LYL1: variants seen among roughly 807,000 people sequenced by gnomAD.
The protein encoded by LYL1 is LYL1 basic helix-loop-helix family member.
LYL1 carries 4 observed loss-of-function variants against 11.1 expected under a neutral mutation model. That is an observed-to-expected ratio of 0.36 (90% confidence interval 0.18 to 0.82). The LOEUF is 0.82. Ranked by LOEUF, LYL1 falls within the 40% of genes least tolerant of loss-of-function variation. The pLI, the probability that LYL1 is intolerant of heterozygous loss-of-function variation, is 0.49. For synonymous variants in LYL1, 179 were observed against 174.8 expected, an observed-to-expected ratio of 1.02 and a Z score of -0.19; for missense variants, 356 against 397.6, an observed-to-expected ratio of 0.90 and a Z score of 0.89.
rs1290802123 is a variant in LYL1, at chr19:13,101,800, C to T, written c.-24-605G>A. Reference sequence around the variant, plus strand: ...TAATTGCTTGAGTGACCCCCACTCCCACTGCAAACATCCCCCATAGCAACC... The same window carrying T: ...TAATTGCTTGAGTGACCCCCACTCCTACTGCAAACATCCCCCATAGCAACC... On this transcript the variant is annotated intron_variant, in intron 1 of 3. Transcript: ENST00000264824. This position sits in a 1 kb window ranked among gnomAD's most constrained non-coding sequence, Gnocchi z 5.1. The T allele has an allele frequency of 4.3e-6, 1 of 230,732 alleles. No individual in the cohort carries two copies. Among genetic ancestry groups the T allele is most frequent in the East Asian group, 6.1e-5 (1 of 16,342 alleles). 14.3% of individuals were successfully genotyped at this position (230,732 alleles called of 1,614,324 possible).
At position 13,101,302 on chromosome 19, in the gene LYL1, G is replaced by A; in HGVS notation, c.-24-107C>T. ...GGAAGGAGGGAGGGGGAGGGGGAAA[G>A]GAGGAGGAGAGAAGTTTCAGTAGGC... On this transcript the variant is annotated intron_variant, in intron 1 of 3. Coordinates refer to ENST00000264824, the MANE Select transcript of LYL1 (RefSeq NM_005583.5). This position sits in a 1 kb window ranked among gnomAD's most constrained non-coding sequence, Gnocchi z 5.1. 2.3e-6 allele frequency: 1 copy of A among 436,552 alleles called. No individual in the cohort carries two copies. Among genetic ancestry groups the A allele is most frequent in the Non-Finnish European group, 4.0e-6 (1 of 252,392 alleles). 27.0% of individuals were successfully genotyped at this position (436,552 alleles called of 1,614,324 possible). A position where few individuals can be genotyped will look rare whatever the true frequency, so the allele number is the denominator to read the frequency against.
In LYL1 at chr19:13,099,840, G is replaced by C. The variant is rs2018652445; in HGVS notation, c.428-106C>G. 1 of 1,064,804 alleles carries C rather than the reference G, an allele frequency of 9.4e-7. No homozygotes were observed. The highest frequency in any genetic ancestry group is 3.6e-5 in the Admixed American group (1 of 27,530). 66.0% of individuals were successfully genotyped at this position (1,064,804 alleles called of 1,614,324 possible). ...CGTGGGAACTTAAACCCAGGCCATG[G>C]GCTGGGGCTTTCTCCACCCAAGGGG... On this transcript the variant is annotated intron_variant, in intron 3 of 3. Transcript: ENST00000264824. This position sits in a 1 kb window ranked among gnomAD's most constrained non-coding sequence, Gnocchi z 5.3.
Position 13,101,679 on chromosome 19 carries a change from C to T in LYL1, c.-24-484G>A, listed in dbSNP as rs2018689788. ...AATCCCTCCAAGATGGACTCTGACC[C>T]TTCACGGAAGGCCCCCAGCCCCCAC... On this transcript the variant is annotated intron_variant, in intron 1 of 3. Coordinates refer to ENST00000264824, the MANE Select transcript of LYL1 (RefSeq NM_005583.5). This position sits in a 1 kb window ranked among gnomAD's most constrained non-coding sequence, Gnocchi z 5.1. 2 of 223,098 alleles carry T rather than the reference C, an allele frequency of 9.0e-6. No homozygotes were observed. Among genetic ancestry groups the T allele is most frequent in the Admixed American group, 5.8e-5 (1 of 17,370 alleles). 13.8% of individuals were successfully genotyped at this position (223,098 alleles called of 1,614,324 possible).
At position 13,100,935 on chromosome 19, in the gene LYL1, C is replaced by T. The variant is rs1248338696; in HGVS notation, c.237G>A (p.Glu79=). 5 of 1,533,232 alleles carry T rather than the reference C, an allele frequency of 3.3e-6. No homozygotes were observed. Among genetic ancestry groups the T allele is most frequent in the Non-Finnish European group, 4.4e-6 (5 of 1,137,306 alleles). 95.0% of individuals were successfully genotyped at this position (1,533,232 alleles called of 1,614,324 possible). The part of the protein sequence containing the change: ...RPPGVAMPTT[E]LGTLRPPLLQ... ...GCAGCGGGGGCCGCAGAGTGCCCAG[C>T]TCTGTGGTGGGCATGGCTACCCCTG... is the stretch of plus-strand genomic sequence containing the variant. Residue 79 remains glutamate, a synonymous_variant, in exon 2 of 4, where the codon GAG becomes GAA. Coordinates refer to ENST00000264824, the MANE Select transcript of LYL1 (RefSeq NM_005583.5).
Position 13,099,232 on chromosome 19 carries a change from C to T in LYL1, c.*87G>A. On this transcript the variant is annotated 3_prime_UTR_variant, in exon 4 of 4. Transcript: ENST00000264824. This position sits in a 1 kb window ranked among gnomAD's most constrained non-coding sequence, Gnocchi z 5.3. ...TTCTTCGGGGGAGTTCGCTCCCGAA[C>T]ATGCGCAGCACGTCCACTGCCCTTT... is the stretch of plus-strand genomic sequence containing the variant. 20 of 1,172,094 alleles carry T rather than the reference C, an allele frequency of 1.7e-5. No individual in the cohort carries two copies. Among genetic ancestry groups the T allele is most frequent in the Non-Finnish European group, 2.1e-5 (20 of 934,628 alleles). 72.6% of individuals were successfully genotyped at this position (1,172,094 alleles called of 1,614,324 possible).
At position 13,102,443 on chromosome 19, in the gene LYL1, T is replaced by C; in HGVS notation, c.-25+88A>G. The C allele has an allele frequency of 1.1e-5, 2 of 185,228 alleles. No homozygotes were observed. Among genetic ancestry groups the C allele is most frequent in the South Asian group, 1.9e-4 (1 of 5,130 alleles). The allele number at this position is 185,228 out of a possible 1,614,324, so 11.5% of individuals were successfully genotyped here. A position where few individuals can be genotyped will look rare whatever the true frequency, so the allele number is the denominator to read the frequency against. On this transcript the variant is annotated intron_variant, in intron 1 of 3. Coordinates refer to ENST00000264824, the MANE Select transcript of LYL1 (RefSeq NM_005583.5). This position sits in a 1 kb window ranked among gnomAD's most constrained non-coding sequence, Gnocchi z 4.9. ...CCCCTCACTAGTGGGTCCCTGCTGG[T>C]GAATGAATGAATGAAGGAATGAACA... is the stretch of plus-strand genomic sequence containing the variant.
Position 13,100,990 on chromosome 19 carries a change from G to A in LYL1, c.182C>T (p.Pro61Leu). Residue 61 changes from proline (P) to leucine (L), a missense_variant, in exon 2 of 4, where the codon CCA (proline) becomes CTA (leucine). By Grantham distance (98) the Pro-to-Leu change is moderately conservative (BLOSUM62 -3). Coordinates refer to ENST00000264824, the MANE Select transcript of LYL1 (RefSeq NM_005583.5). Reference sequence around the variant, plus strand: ...CCTGCTGTGGCCCAGGCTGATCACTGGTACACCAGGTGGCAGCCTGGGGGG... The same window carrying A: ...CCTGCTGTGGCCCAGGCTGATCACTAGTACACCAGGTGGCAGCCTGGGGGG... ...SSPPRLPPGV[P>L]VISLGHSRPP... 1.4e-6 allele frequency: 2 copies of A among 1,480,348 alleles called. No individual in the cohort carries two copies. The highest frequency in any genetic ancestry group is 2.8e-5 in the African/African-American group (2 of 71,116). 91.7% of individuals were successfully genotyped at this position (1,480,348 alleles called of 1,614,324 possible). A position where few individuals can be genotyped will look rare whatever the true frequency, so the allele number is the denominator to read the frequency against.
In LYL1 at chr19:13,099,397, G is replaced by A; in HGVS notation, c.765C>T (p.Ala255=). ...AAARSQPAPP[A]DPDGSPGGAA... ...CTCCACCGGGGCTGCCGTCGGGGTC[G>A]GCCGGGGGCGCGGGCTGCGAGCGCG... is the stretch of plus-strand genomic sequence containing the variant. The change falls in exon 4 of 4, where the codon GCC becomes GCT. Residue 255 remains alanine (A), a synonymous_variant. Coordinates refer to ENST00000264824, the MANE Select transcript of LYL1 (RefSeq NM_005583.5). This position sits in a 1 kb window ranked among gnomAD's most constrained non-coding sequence, Gnocchi z 5.3. 2 of 1,245,858 alleles carry A rather than the reference G, an allele frequency of 1.6e-6. No homozygotes were observed. Among genetic ancestry groups the A allele is most frequent in the South Asian group, 4.0e-5 (1 of 24,940 alleles). The allele number at this position is 1,245,858 out of a possible 1,614,324, so 77.2% of individuals were successfully genotyped here. A position where few individuals can be genotyped will look rare whatever the true frequency, so the allele number is the denominator to read the frequency against.
chr19:13,099,352 C>A lies in LYL1; in HGVS notation c.810G>T (p.Met270Ile). 7.8e-7 allele frequency: 1 copy of A among 1,284,662 alleles called. No individual in the cohort carries two copies. The highest frequency in any genetic ancestry group is 2.9e-5 in the East Asian group (1 of 34,450). 79.6% of individuals were successfully genotyped at this position (1,284,662 alleles called of 1,614,324 possible). A position where few individuals can be genotyped will look rare whatever the true frequency, so the allele number is the denominator to read the frequency against. ...SPGGAARPIK[M>I]EQTALSPEVR is the part of the protein sequence containing the mutation. ...CCTCTGGGCTCAAAGCGGTTTGCTC[C>A]ATCTTGATGGGCCGGGCCGCTCCAC... Residue 270 changes from methionine to isoleucine, a missense_variant, in exon 4 of 4, where the codon ATG becomes ATT. By Grantham distance (10) the Met-to-Ile change is conservative. Transcript: ENST00000264824. This position sits in a 1 kb window ranked among gnomAD's most constrained non-coding sequence, Gnocchi z 5.3.
rs1599909255 is a variant in LYL1 at position 13,101,025 on chromosome 19, T to C, written c.147A>G (p.Gly49=). The part of the protein sequence containing the change: ...PPQVEEVGHR[G]GSSPPRLPPG... ...GTGGCAGCCTGGGGGGCGAGGAGCC[T>C]CCTCGGTGGCCCACCTCCTCCACCT... Residue 49 remains glycine, a synonymous_variant, in exon 2 of 4, where the codon GGA becomes GGG. Coordinates refer to ENST00000264824, the MANE Select transcript of LYL1 (RefSeq NM_005583.5). The surrounding 1 kb of genome is among the most constrained non-coding windows in gnomAD (Gnocchi z 5.1). The C allele has an allele frequency of 6.8e-7, 1 of 1,477,674 alleles. No individual in the cohort carries two copies. The highest frequency in any genetic ancestry group is 9.0e-7 in the Non-Finnish European group (1 of 1,115,494). 91.5% of individuals were successfully genotyped at this position (1,477,674 alleles called of 1,614,324 possible). A position where few individuals can be genotyped will look rare whatever the true frequency, so the allele number is the denominator to read the frequency against.
Position 13,101,833 on chromosome 19 carries a change from C to T in LYL1, c.-24-638G>A, listed in dbSNP as rs777998780. The stretch of plus-strand genomic sequence containing the variant: ...ACATCCCCCATAGCAACCCTGTGAC[C>T]CCACTACTGACACTATGACCTCAAA... On this transcript the variant is annotated intron_variant, in intron 1 of 3. Coordinates refer to ENST00000264824, the MANE Select transcript of LYL1 (RefSeq NM_005583.5). The surrounding 1 kb of genome is among the most constrained non-coding windows in gnomAD (Gnocchi z 5.1). 9.5e-5 allele frequency: 22 copies of T among 232,292 alleles called. No individual in the cohort carries two copies. The highest frequency in any genetic ancestry group is 4.2e-5 in the Non-Finnish European group (5 of 117,662). The allele number at this position is 232,292 out of a possible 1,614,324, so 14.4% of individuals were successfully genotyped here.
chr19:13,100,756 G>T lies in LYL1; in HGVS notation c.336-8C>A. ...GCTGGCCCAATGTAGACACTGTAAG[G>T]GGTCGTGGGTCACTAATGCCTTGTG... On this transcript the variant is annotated splice_region_variant and splice_polypyrimidine_tract_variant and intron_variant, in intron 2 of 3. Transcript: ENST00000264824. The T allele has an allele frequency of 6.2e-7, 1 of 1,613,952 alleles. No homozygotes were observed. Among genetic ancestry groups the T allele is most frequent in the Non-Finnish European group, 8.5e-7 (1 of 1,179,892 alleles).
rs1001251894 is a variant in LYL1, at chr19:13,099,484, C to T, written c.678G>A (p.Pro226=). 3 of 1,326,790 alleles carry T rather than the reference C, an allele frequency of 2.3e-6. No individual in the cohort carries two copies. The highest frequency in any genetic ancestry group is 2.9e-6 in the Non-Finnish European group (3 of 1,026,680). 82.2% of individuals were successfully genotyped at this position (1,326,790 alleles called of 1,614,324 possible). Reference sequence around the variant, plus strand: ...CGCCGTCGTCTGGGACCCGGTGCACCGGCCGTTTGCGAGGCCCGGGAGGGG... The same window carrying T: ...CGCCGTCGTCTGGGACCCGGTGCACTGGCCGTTTGCGAGGCCCGGGAGGGG... ...GPTPPGPRKR[P]VHRVPDDGAR... Residue 226 remains proline, a synonymous_variant, in exon 4 of 4, where the codon CCG becomes CCA. Transcript: ENST00000264824. The surrounding 1 kb of genome is among the most constrained non-coding windows in gnomAD (Gnocchi z 5.3).
rs1004130496 is a variant in LYL1, at chr19:13,099,848, C to T, written c.428-114G>A. The T allele has an allele frequency of 7.3e-5, 69 of 947,254 alleles. No individual in the cohort carries two copies. The highest frequency in any genetic ancestry group is 9.5e-5 in the Non-Finnish European group (65 of 681,954). The allele number at this position is 947,254 out of a possible 1,614,324, so 58.7% of individuals were successfully genotyped here. Reference sequence around the variant, plus strand: ...CTTAAACCCAGGCCATGGGCTGGGGCTTTCTCCACCCAAGGGGTCCACGGG... The same window carrying T: ...CTTAAACCCAGGCCATGGGCTGGGGTTTTCTCCACCCAAGGGGTCCACGGG... On this transcript the variant is annotated intron_variant, in intron 3 of 3. Coordinates refer to ENST00000264824, the MANE Select transcript of LYL1 (RefSeq NM_005583.5). The surrounding 1 kb of genome is among the most constrained non-coding windows in gnomAD (Gnocchi z 5.3).
In LYL1 at chr19:13,099,387, C is replaced by T. The variant is rs1480041687; in HGVS notation, c.775G>A (p.Gly259Ser). ...SQPAPPADPD[G>S]SPGGAARPIK... Reference sequence around the variant, plus strand: ...GGCCGGGCCGCTCCACCGGGGCTGCCGTCGGGGTCGGCCGGGGGCGCGGGC... The same window carrying T: ...GGCCGGGCCGCTCCACCGGGGCTGCTGTCGGGGTCGGCCGGGGGCGCGGGC... Residue 259 changes from glycine to serine, a missense_variant, in exon 4 of 4, where the codon GGC (glycine) becomes AGC (serine). Gly to Ser is a moderately conservative substitution (Grantham distance 56). Transcript: ENST00000264824. The surrounding 1 kb of genome is among the most constrained non-coding windows in gnomAD (Gnocchi z 5.3). 2 of 1,256,746 alleles carry T rather than the reference C, an allele frequency of 1.6e-6. No homozygotes were observed. The highest frequency in any genetic ancestry group is 3.9e-5 in the South Asian group (1 of 25,888). 77.8% of individuals were successfully genotyped at this position (1,256,746 alleles called of 1,614,324 possible). A position where few individuals can be genotyped will look rare whatever the true frequency, so the allele number is the denominator to read the frequency against.
In LYL1 at chr19:13,101,400, CG is replaced by C; in HGVS notation, c.-24-206del. The C allele has an allele frequency of 2.4e-6, 1 of 421,950 alleles. No homozygotes were observed. The highest frequency in any genetic ancestry group is 4.2e-6 in the Non-Finnish European group (1 of 240,184). 26.1% of individuals were successfully genotyped at this position (421,950 alleles called of 1,614,324 possible). On this transcript the variant is annotated intron_variant, in intron 1 of 3. Transcript: ENST00000264824. The surrounding 1 kb of genome is among the most constrained non-coding windows in gnomAD (Gnocchi z 5.1). ...GGGGGTCCTACGTTAGAGTAGGAGG[CG>C]CCCCCCAGGTGCTAGGCAGCGCACT...
Position 13,101,702 on chromosome 19 carries a change from C to A in LYL1, c.-24-507G>T, listed in dbSNP as rs752977408. The A allele has an allele frequency of 8.8e-6, 2 of 226,116 alleles. No individual in the cohort carries two copies. The highest frequency in any genetic ancestry group is 1.8e-5 in the Non-Finnish European group (2 of 113,458). The allele number at this position is 226,116 out of a possible 1,614,324, so 14.0% of individuals were successfully genotyped here. A position where few individuals can be genotyped will look rare whatever the true frequency, so the allele number is the denominator to read the frequency against. On this transcript the variant is annotated intron_variant, in intron 1 of 3. Coordinates refer to ENST00000264824, the MANE Select transcript of LYL1 (RefSeq NM_005583.5). The surrounding 1 kb of genome is among the most constrained non-coding windows in gnomAD (Gnocchi z 5.1). ...CCCTTCACGGAAGGCCCCCAGCCCC[C>A]ACCCAGGCTGACCCTCTGCACCTCA... is the stretch of plus-strand genomic sequence containing the variant.
Position 13,102,601 on chromosome 19 carries a change from G to C in LYL1, c.-95C>G, listed in dbSNP as rs1037330389. ...GTCAGGGCTGGCAGTCTGGGCCAGG[G>C]TGTGGTTTCCAGCGTCAGGCCAGGC... On this transcript the variant is annotated 5_prime_UTR_variant, in exon 1 of 4. Coordinates refer to ENST00000264824, the MANE Select transcript of LYL1 (RefSeq NM_005583.5). This position sits in a 1 kb window ranked among gnomAD's most constrained non-coding sequence, Gnocchi z 4.9. 2 of 173,234 alleles carry C rather than the reference G, an allele frequency of 1.2e-5. No homozygotes were observed. The highest frequency in any genetic ancestry group is 4.8e-5 in the African/African-American group (2 of 42,096). The allele number at this position is 173,234 out of a possible 1,614,324, so 10.7% of individuals were successfully genotyped here.
intron 3 of LYL1, 100 bp downstream of exon 3, chr19:13,100,557 G>T: frequency 9.2e-7 from 1 of 1,085,928 alleles, no homozygotes; most frequent in Non-Finnish European, 1.4e-6. Context: ...TGGAGTAGAG[G>T]ACAGACATGA....
Sources: gnomAD v4.1 joint callset for allele counts on GRCh38, gnomAD v4.1.1 for gene constraint, Gnocchi (gnomAD v3.1) non-coding constraint, MANE v1.5 for transcripts, NCBI Gene and HGNC (gene_info 2026-07-23, HGNC 2026-07-21) for gene names.